The following ADAMTS12 variants were observed in gnomAD, a reference collection of about 807,000 sequenced individuals.
ADAMTS12 encodes A disintegrin and metalloproteinase with thrombospondin motifs 12.
Under a neutral mutation model 167.8 loss-of-function variants are expected in ADAMTS12, and 118 were observed. That is an observed-to-expected ratio of 0.70 (90% CI 0.61 to 0.82). The LOEUF is 0.82. Among genes scored for constraint, ADAMTS12 ranks in the 40% least tolerant of loss-of-function variants. ADAMTS12 has a pLI of 0.00. For missense variants in ADAMTS12, 1,916 were observed against 1,998.8 expected, an observed-to-expected ratio of 0.96 and a Z score of 0.79; for synonymous variants, 704 against 716.9, an observed-to-expected ratio of 0.98 and a Z score of 0.29.
chr5:33,825,459 G>A (rs545169120), intron 2 of ADAMTS12, among the ~76,000 whole-genome samples: 3 of 152,220 alleles, frequency 2.0e-5, no homozygotes, highest in Non-Finnish European at 2.9e-5. Context: ...CTGGATGAGT[G>A]TAAGTAAGAG....
chr5:33,704,961 T>C (rs933735586), intron 3 of ADAMTS12, among the ~76,000 whole-genome samples: 1 of 152,198 alleles, frequency 6.6e-6, no homozygotes, highest in African/African-American at 2.4e-5. Flanking sequence ...AAGAGTTTTA[T>C]TGTTTCAATC....
chr5:33,569,752 T>C (rs1451756013), intron 19 of ADAMTS12, among the ~76,000 whole-genome samples: 3 of 152,196 alleles, frequency 2.0e-5, no homozygotes, highest in Non-Finnish European at 4.4e-5. Flanking sequence ...TGGAGAATGA[T>C]TTTGATGAGT....
chr5:33,639,717 C>G (rs879943401), intron 11 of ADAMTS12, among the ~76,000 whole-genome samples: 6 of 152,176 alleles, frequency 3.9e-5, no homozygotes, highest in Admixed American at 3.9e-4. Flanking sequence ...ACCACAAAAT[C>G]CTGAGAGACA....
intron 14 of ADAMTS12, among the ~76,000 whole-genome samples, chr5:33,618,174 G>T (rs1490298717): frequency 1.3e-5 from 2 of 152,188 alleles, no homozygotes; most frequent in Non-Finnish European, 2.9e-5. Flanking sequence ...AAAATGTTAA[G>T]AAATTCATGA....
chr5:33,744,236 G>T (rs1561247966), intron 3 of ADAMTS12, among the ~76,000 whole-genome samples: 1 of 152,190 alleles, frequency 6.6e-6, no homozygotes, highest in Non-Finnish European at 1.5e-5. Context: ...AGTAGGTAGT[G>T]TTCTAATGGA....
intron 2 of ADAMTS12, among the ~76,000 whole-genome samples, chr5:33,771,148 A>G (rs910267564): frequency 2.0e-4 from 30 of 152,300 alleles, no homozygotes; most frequent in African/African-American, 7.2e-4. Context: ...TCCTATATCT[A>G]TTAAATATAT....
chr5:33,595,879 A>G (rs1476125309), intron 17 of ADAMTS12, 55 bp downstream of exon 17: 31 of 1,606,418 alleles, frequency 1.9e-5, no homozygotes, highest in Non-Finnish European at 2.5e-5. Flanking sequence ...GTCACTCTTG[A>G]GTCAGACATC....
At chr5:33,622,795 T>C (rs777228971) in intron 14 of ADAMTS12, among the ~76,000 whole-genome samples, 2 of 152,242 alleles carry the variant, frequency 1.3e-5, no homozygotes, top group Non-Finnish European at 1.5e-5. Flanking sequence ...TGTAAAAACA[T>C]TGGCTATCAT....
intron 6 of ADAMTS12, 112 bp downstream of exon 6, chr5:33,661,804 A>G (rs6451007): frequency 1 from 1,453,308 of 1,459,518 alleles, 723,792 homozygotes; most frequent in East Asian, 1. Context: ...CTGTCTTTAC[A>G]AGAGCAGCAA....
intron 18 of ADAMTS12, among the ~76,000 whole-genome samples, chr5:33,577,918 C>T (rs2111970410): frequency 6.6e-6 from 1 of 152,284 alleles, no homozygotes; most frequent in East Asian, 1.9e-4. Context: ...AGCTAGACTG[C>T]CTTTGGGGGA....
intron 1 of ADAMTS12, among the ~76,000 whole-genome samples, chr5:33,885,369 T>C (rs1750598768): frequency 6.6e-6 from 1 of 152,170 alleles, no homozygotes; most frequent in South Asian, 2.1e-4. Context: ...GTGTGGTTTT[T>C]CCTTTTAAAA....
At chr5:33,722,596 A>G (rs1360282476) in intron 3 of ADAMTS12, among the ~76,000 whole-genome samples, 1 of 152,210 alleles carries the variant, frequency 6.6e-6, no homozygotes. Flanking sequence ...AGACCAAATA[A>G]CAAAATGAGC....
chr5:33,788,271 TC>T (rs1746402308), intron 2 of ADAMTS12, among the ~76,000 whole-genome samples: 2 of 152,090 alleles, frequency 1.3e-5, no homozygotes, highest in African/African-American at 4.8e-5. Context: ...ACATTAACAG[TC>T]TTTTTTCTCT....
intron 3 of ADAMTS12, among the ~76,000 whole-genome samples, chr5:33,714,605 A>G (rs7721562): frequency 0.61 from 92,715 of 151,854 alleles, 29,497 homozygotes; most frequent in Non-Finnish European, 0.69. Flanking sequence ...ACATGATGGA[A>G]TACTATTCAG....
At chr5:33,851,982 A>G (rs181566678) in intron 2 of ADAMTS12, among the ~76,000 whole-genome samples, 1 of 152,338 alleles carries the variant, frequency 6.6e-6, no homozygotes, top group Non-Finnish European at 1.5e-5. Flanking sequence ...CACATTCCCC[A>G]TATTCTTTCC....
At chr5:33,683,632 G>A (rs916558896) in intron 4 of ADAMTS12, among the ~76,000 whole-genome samples, 17 of 152,120 alleles carry the variant, frequency 1.1e-4, no homozygotes, top group African/African-American at 4.1e-4. Flanking sequence ...CCAGAAGTAT[G>A]TAACTAATAA....
At chr5:33,816,870 C>G (rs1431258901) in intron 2 of ADAMTS12, among the ~76,000 whole-genome samples, 1 of 152,162 alleles carries the variant, frequency 6.6e-6, no homozygotes, top group Non-Finnish European at 1.5e-5. Flanking sequence ...CAGATACCTA[C>G]AACTCTAGCT....
At chr5:33,654,663 AGTG>A (rs979007221) in intron 7 of ADAMTS12, among the ~76,000 whole-genome samples, 1 of 152,212 alleles carries the variant, frequency 6.6e-6, no homozygotes, top group Non-Finnish European at 1.5e-5. Context: ...CTACCCAAGT[AGTG>A]GTGTTTGATG....
chr5:33,527,189 T>G lies in ADAMTS12; in HGVS notation c.4784A>C (p.Ter1595SerextTer15). 1 of 1,614,216 alleles carries G rather than the reference T, an allele frequency of 6.2e-7. No homozygotes were observed. The highest frequency in any genetic ancestry group is 8.5e-7 in the Non-Finnish European group (1 of 1,180,026). The change falls in exon 24 of 24, where the codon TAA becomes TCA. Residue 1595 changes from the stop codon to serine (S), a stop_lost. Coordinates refer to ENST00000504830, the MANE Select transcript of ADAMTS12 (RefSeq NM_030955.4). ...GTGGAAGCTGGCTTCCTTTTGGGCT[T>G]AGAGTTCTTTTGACTTTTGGAGCAA... is the stretch of plus-strand genomic sequence containing the variant. ...QRLLQKSKEL[*>S]
Sources: gnomAD v4.1 joint callset for allele counts (sites outside exome capture counted in the v4.1 genomes callset) on GRCh38, gnomAD v4.1.1 for gene constraint, MANE v1.5 for transcripts, NCBI Gene and HGNC (gene_info 2026-07-23, HGNC 2026-07-21) for gene names.